Variants in CBX7 observed in about 807,000 individuals in gnomAD.
CBX7 encodes chromobox 7, also known as chromobox protein homolog 7.
In CBX7, 14 loss-of-function variants were observed where a neutral mutation model predicts 31.4. The ratio of observed to expected loss-of-function variants is 0.45; its 90% confidence interval spans 0.29 to 0.70. The LOEUF (loss-of-function observed/expected upper bound fraction) is 0.70, where lower values mean the gene tolerates loss of function less well. Among genes scored for constraint, CBX7 ranks in the 30% least tolerant of loss-of-function variants. The pLI is 0.11. For missense variants in CBX7, 269 were observed against 351.9 expected (o/e 0.76, Z 1.89); for synonymous variants, 159 against 152.6 (o/e 1.04, Z -0.31).
intron 3 of CBX7, among the ~76,000 whole-genome samples, chr22:39,140,329 G>A (rs746875103): frequency 2.0e-5 from 3 of 152,136 alleles, no homozygotes; most frequent in Non-Finnish European, 2.9e-5. Flanking sequence ...TCCTTACCAC[G>A]CTCCATGGGA....
chr22:39,134,657 A>C lies in CBX7; in HGVS notation c.342T>G (p.Pro114=), dbSNP rs775036374. ...GTGCCCCCGCCTTGACCACCCCCTCAGGGCTCCCGCTGCCGAGTGGGCACG... is the reference window on the plus strand; with the variant it reads ...GTGCCCCCGCCTTGACCACCCCCTCCGGGCTCCCGCTGCCGAGTGGGCACG... ...SLTCPLGSGS[P]EGVVKAGAPE... is the part of the protein sequence containing the mutation. Residue 114 remains proline (P), a synonymous_variant, in exon 5 of 6, where the codon CCT becomes CCG. Coordinates refer to ENST00000216133, the MANE Select transcript of CBX7 (RefSeq NM_175709.5). 8 of 1,588,458 alleles carry C rather than the reference A, an allele frequency of 5.0e-6. No homozygotes were observed. The highest frequency in any genetic ancestry group is 2.6e-6 in the Non-Finnish European group (3 of 1,167,244).
chr22:39,147,774 A>C (rs1363423435), intron 2 of CBX7: 1 of 152,252 alleles, frequency 6.6e-6, no homozygotes, highest in Non-Finnish European at 1.5e-5. Context: ...TCTGGGCCTC[A>C]GTTTCCCCAT....
At chr22:39,143,429 G>T (rs1041650855) in intron 2 of CBX7, among the ~76,000 whole-genome samples, 1 of 151,986 alleles carries the variant, frequency 6.6e-6, no homozygotes, top group East Asian at 1.9e-4. Context: ...GAGACAAAAA[G>T]GTTTAAAAAG....
Position 39,133,966 on chromosome 22 carries a change from G to A in CBX7, c.681C>T (p.Ala227=). ...SSEVTVTDIT[A]NSITVTFREA... is the part of the protein sequence containing the mutation. The stretch of plus-strand genomic sequence containing the variant: ...CGCGGAAGGTGACGGTGATGGAGTT[G>A]GCGGTGATGTCGGTCACGGTCACCT... The change falls in exon 6 of 6, where the codon GCC becomes GCT. Residue 227 remains alanine, a synonymous_variant. Coordinates refer to ENST00000216133, the MANE Select transcript of CBX7 (RefSeq NM_175709.5). 1 of 1,613,980 alleles carries A rather than the reference G, an allele frequency of 6.2e-7. No homozygotes were observed. Among genetic ancestry groups the A allele is most frequent in the Non-Finnish European group, 8.5e-7 (1 of 1,179,926 alleles).
Position 39,132,127 on chromosome 22 carries a change from G to A in CBX7, c.*1764C>T, listed in dbSNP as rs945053325. The A allele has an allele frequency of 6.6e-6, 1 of 152,330 alleles. No homozygotes were observed. The highest frequency in any genetic ancestry group is 2.4e-5 in the African/African-American group (1 of 41,452). The allele number at this position is 152,330 out of a possible 1,614,324, so 9.4% of individuals were successfully genotyped here. On this transcript the variant is annotated 3_prime_UTR_variant, in exon 6 of 6. Transcript: ENST00000216133. ...ACTGAATTGACCGTGGACAACTAAA[G>A]ATCGAGGAGGAAGGAAAGAGAGACT...
Position 39,131,463 on chromosome 22 carries a change from G to C in CBX7, c.*2428C>G, listed in dbSNP as rs1930036051. 2 of 152,704 alleles carry C rather than the reference G, an allele frequency of 1.3e-5. No individual in the cohort carries two copies. The highest frequency in any genetic ancestry group is 2.9e-5 in the Non-Finnish European group (2 of 68,146). The allele number at this position is 152,704 out of a possible 1,614,324, so 9.5% of individuals were successfully genotyped here. On this transcript the variant is annotated 3_prime_UTR_variant, in exon 6 of 6. Coordinates refer to ENST00000216133, the MANE Select transcript of CBX7 (RefSeq NM_175709.5). ...CCACAGCCGTAGGTGACCTCATAGAGGTCACCTGTCCTGGAGGATGGTCCT... is the reference window on the plus strand; with the variant it reads ...CCACAGCCGTAGGTGACCTCATAGACGTCACCTGTCCTGGAGGATGGTCCT...
chr22:39,146,940 C>T (rs1240780861), intron 2 of CBX7, among the ~76,000 whole-genome samples: 1 of 152,124 alleles, frequency 6.6e-6, no homozygotes, highest in African/African-American at 2.4e-5. Flanking sequence ...GTCACATTCC[C>T]TGTCCCGGGC....
At chr22:39,143,131 G>C (rs897719452) in intron 2 of CBX7, among the ~76,000 whole-genome samples, 3 of 152,082 alleles carry the variant, frequency 2.0e-5, no homozygotes, top group African/African-American at 7.2e-5. Flanking sequence ...GCGGGCGCCT[G>C]TAATCCCAGC....
intron 2 of CBX7, among the ~76,000 whole-genome samples, chr22:39,145,904 C>T (rs1416374989): frequency 1.3e-5 from 2 of 152,068 alleles, no homozygotes; most frequent in Non-Finnish European, 2.9e-5. Context: ...GCAGCGGGTG[C>T]AGGACCCCCG....
At chr22:39,149,886 C>T (rs1284794045) in intron 1 of CBX7, 54 bp from the exon 2 acceptor site, 28 of 1,470,330 alleles carry the variant, frequency 1.9e-5, no homozygotes, top group Admixed American at 1.7e-5. Context: ...CCTACAGCCA[C>T]TCGGAAGGAC....
Position 39,152,267 on chromosome 22 carries a change from C to T in CBX7, c.69+109G>A. On this transcript the variant is annotated intron_variant, in intron 1 of 5. Coordinates refer to ENST00000216133, the MANE Select transcript of CBX7 (RefSeq NM_175709.5). The surrounding 1 kb of genome is among the most constrained non-coding windows in gnomAD (Gnocchi z 4.9). ...GACGGGCCCAGCAGCGCAGGGCTGC[C>T]GGGGCCCCCGCGCCCCGCTTTCCCC... 1.8e-6 allele frequency: 1 copy of T among 570,836 alleles called. No homozygotes were observed. Among genetic ancestry groups the T allele is most frequent in the Non-Finnish European group, 2.5e-6 (1 of 404,972 alleles). 35.4% of individuals were successfully genotyped at this position (570,836 alleles called of 1,614,324 possible).
intron 1 of CBX7, among the ~76,000 whole-genome samples, chr22:39,150,894 C>G (rs1930826066): frequency 6.6e-6 from 1 of 152,244 alleles, no homozygotes; most frequent in Non-Finnish European, 1.5e-5. Flanking sequence ...CCCATGCTGT[C>G]TCCACTGGCA....
In CBX7 at chr22:39,133,131, T is replaced by C. The variant is rs1055933377; in HGVS notation, c.*760A>G. On this transcript the variant is annotated 3_prime_UTR_variant, in exon 6 of 6. Coordinates refer to ENST00000216133, the MANE Select transcript of CBX7 (RefSeq NM_175709.5). ...TCACCCCACGTTCGCCTGGCCAGGG[T>C]TTCTAACCCAGGTTCGCAAGGCCCA... 5.3e-5 allele frequency: 8 copies of C among 152,104 alleles called. No individual in the cohort carries two copies. Among genetic ancestry groups the C allele is most frequent in the African/African-American group, 1.9e-4 (8 of 41,378 alleles). The allele number at this position is 152,104 out of a possible 1,614,324, so 9.4% of individuals were successfully genotyped here.
chr22:39,146,611 A>G (rs1930669966), intron 2 of CBX7, among the ~76,000 whole-genome samples: 1 of 152,256 alleles, frequency 6.6e-6, no homozygotes, highest in African/African-American at 2.4e-5. Flanking sequence ...CGTAGTTCAC[A>G]TCTGCCCAGC....
Position 39,133,961 on chromosome 22 carries a change from G to A in CBX7, c.686C>T (p.Ser229Phe). Reference protein sequence around the residue: ...EVTVTDITANSITVTFREAQA... With the variant: ...EVTVTDITANFITVTFREAQA... ...GGCCTCGCGGAAGGTGACGGTGATG[G>A]AGTTGGCGGTGATGTCGGTCACGGT... Residue 229 changes from serine (S) to phenylalanine (F), a missense_variant, in exon 6 of 6, where the codon TCC becomes TTC. By Grantham distance (155) the Ser-to-Phe change is radical (BLOSUM62 -2). This residue lies in a region of CBX7 where 222 missense variants were observed against 240.4 expected (regional missense o/e 0.92). Transcript: ENST00000216133. The A allele has an allele frequency of 6.2e-7, 1 of 1,614,022 alleles. No individual in the cohort carries two copies. The highest frequency in any genetic ancestry group is 1.3e-5 in the African/African-American group (1 of 75,056).
At chr22:39,143,982 C>T (rs1029949567) in intron 2 of CBX7, among the ~76,000 whole-genome samples, 3 of 152,246 alleles carry the variant, frequency 2.0e-5, no homozygotes, top group African/African-American at 7.2e-5. Flanking sequence ...CCCTATGGTC[C>T]TGGCCAGAGG....
chr22:39,138,672 C>T lies in CBX7; in HGVS notation c.210G>A (p.Arg70=). 1.9e-6 allele frequency: 3 copies of T among 1,614,210 alleles called. No individual in the cohort carries two copies. Among genetic ancestry groups the T allele is most frequent in the East Asian group, 2.2e-5 (1 of 44,888 alleles). The change falls in exon 4 of 6, where the codon AGG becomes AGA. Residue 70 remains arginine (R), a synonymous_variant. Coordinates refer to ENST00000216133, the MANE Select transcript of CBX7 (RefSeq NM_175709.5). ...GCCGCTTGGGTTTCGGACCTCTCTT[C>T]CTATACCCCGATGCTCGGTCTCTCT... ...KEERDRASGY[R]KRGPKPKRLL... is the part of the protein sequence containing the mutation.
At chr22:39,149,389 C>T (rs149008334) in intron 2 of CBX7, 37 of 249,746 alleles carry the variant, frequency 1.5e-4, no homozygotes, top group Admixed American at 1.1e-3. Flanking sequence ...CCCCTGGCCA[C>T]ACAGCACTGA....
chr22:39,138,533 G>A (rs1230495045), intron 4 of CBX7, 103 bp downstream of exon 4: 2 of 1,083,402 alleles, frequency 1.8e-6, no homozygotes. Flanking sequence ...ACAGGCGAGG[G>A]GACACAGATC....
Sources: allele counts gnomAD v4.1 joint callset (sites outside exome capture counted in the v4.1 genomes callset), GRCh38; gene constraint gnomAD v4.1.1; regional missense constraint gnomAD v4.1.1; non-coding constraint Gnocchi (gnomAD v3.1); transcripts MANE v1.5; gene names NCBI Gene and HGNC (gene_info 2026-07-23, HGNC 2026-07-21).